Variants in FYTTD1 observed in about 807,000 individuals in gnomAD.
FYTTD1 encodes the protein forty-two-three domain containing 1.
FYTTD1 carries 22 observed loss-of-function variants against 40.9 expected under a neutral mutation model. The observed-to-expected ratio is 0.54, with a 90% CI of 0.38 to 0.77. The LOEUF (loss-of-function observed/expected upper bound fraction) is 0.77, where lower values mean the gene tolerates loss of function less well. Among genes scored for constraint, FYTTD1 ranks in the 30% least tolerant of loss-of-function variants. The pLI is 0.00. For synonymous variants in FYTTD1, 140 were observed against 137.9 expected, an observed-to-expected ratio of 1.01 and a Z score of -0.10; for missense variants, 351 against 392.2, an observed-to-expected ratio of 0.90 and a Z score of 0.89.
chr3:197,750,844 C>T (rs1729008042), intron 1 of FYTTD1: 1 of 985,350 alleles, frequency 1.0e-6, no homozygotes, highest in Non-Finnish European at 1.2e-6. Flanking sequence ...GGTTCTTGAG[C>T]GCATCTGAGA....
At chr3:197,778,045 T>C (rs9864813) in intron 7 of FYTTD1, among the ~76,000 whole-genome samples, 3,718 of 152,292 alleles carry the variant, frequency 0.024, 128 homozygotes, top group African/African-American at 0.077. Flanking sequence ...ATGAAAAGCA[T>C]GTAGGATGGG....
intron 1 of FYTTD1, chr3:197,750,680 C>T (rs1330309672): frequency 9.1e-6 from 9 of 985,350 alleles, no homozygotes; most frequent in Non-Finnish European, 8.4e-6. Context: ...AAGCAGCGCT[C>T]GGCCGCCTGT....
intron 2 of FYTTD1, 70 bp downstream of exon 2, chr3:197,756,627 A>G: frequency 7.4e-7 from 1 of 1,355,894 alleles, no homozygotes; most frequent in East Asian, 2.3e-5. Flanking sequence ...TCTTTAGCAT[A>G]TGCTTAACGT....
intron 8 of FYTTD1, among the ~76,000 whole-genome samples, chr3:197,779,175 G>T (rs1729955818): frequency 1.3e-5 from 2 of 152,184 alleles, no homozygotes; most frequent in Non-Finnish European, 2.9e-5. Flanking sequence ...AGCACTTTGG[G>T]AGGCCGAGGT....
chr3:197,760,043 C>CGTGGTAGAACGTATAGAGTTGTTCTTCA (rs1729331674), intron 2 of FYTTD1, among the ~76,000 whole-genome samples: 1 of 139,032 alleles, frequency 7.2e-6, no homozygotes, highest in African/African-American at 2.7e-5. Flanking sequence ...GTTGTTCTTC[C>CGTGGTAGAACGTATAGAGTTGTTCTTCA]GTGGTAGAAC....
At chr3:197,763,722 G>A (rs1192638528) in intron 2 of FYTTD1, 1 of 210,064 alleles carries the variant, frequency 4.8e-6, no homozygotes, top group Non-Finnish European at 9.9e-6. Context: ...TTGGAAAGGA[G>A]CCAATAATAT....
chr3:197,752,689 A>G (rs2109034378), intron 1 of FYTTD1, among the ~76,000 whole-genome samples: 1 of 152,182 alleles, frequency 6.6e-6, no homozygotes, highest in Non-Finnish European at 1.5e-5. Context: ...ATTTTTATAC[A>G]TACACTACAT....
Position 197,784,571 on chromosome 3 carries a change from G to A in FYTTD1, c.*2662G>A, listed in dbSNP as rs548546959. 12 of 152,282 alleles carry A rather than the reference G, an allele frequency of 7.9e-5. No individual in the cohort carries two copies. Among genetic ancestry groups the A allele is most frequent in the African/African-American group, 2.9e-4 (12 of 41,560 alleles). 9.4% of individuals were successfully genotyped at this position (152,282 alleles called of 1,614,324 possible). Reference sequence around the variant, plus strand: ...AGAACTTGGGGAGGCCAAGGCGGGCGGATCATGAGGCCAGGAGCAAGACCA... The same window carrying A: ...AGAACTTGGGGAGGCCAAGGCGGGCAGATCATGAGGCCAGGAGCAAGACCA... On this transcript the variant is annotated 3_prime_UTR_variant, in exon 9 of 9. Coordinates refer to ENST00000241502, the MANE Select transcript of FYTTD1 (RefSeq NM_032288.7).
chr3:197,779,529 C>CT (rs57263354), intron 8 of FYTTD1, among the ~76,000 whole-genome samples: 11,975 of 118,038 alleles, frequency 0.1, 2,245 homozygotes, highest in African/African-American at 0.34. Context: ...TTCCTTAGGA[C>CT]TTTTTTTTTT....
rs1482451530 is a variant in FYTTD1 at position 197,782,653 on chromosome 3, A to ATG, written c.*745_*746dup. On this transcript the variant is annotated 3_prime_UTR_variant, in exon 9 of 9. Coordinates refer to ENST00000241502, the MANE Select transcript of FYTTD1 (RefSeq NM_032288.7). ...CAGTTTGTGTTTAATAAATGAAGGC[A>ATG]TGAGAGGAAGTAAGTAGCAAGTTGA... is the stretch of plus-strand genomic sequence containing the variant. The ATG allele has an allele frequency of 2.6e-5, 4 of 152,226 alleles. No individual in the cohort carries two copies. Among genetic ancestry groups the ATG allele is most frequent in the African/African-American group, 9.6e-5 (4 of 41,460 alleles). 9.4% of individuals were successfully genotyped at this position (152,226 alleles called of 1,614,324 possible). A position where few individuals can be genotyped will look rare whatever the true frequency, so the allele number is the denominator to read the frequency against.
chr3:197,760,862 A>G (rs188271541), intron 2 of FYTTD1, among the ~76,000 whole-genome samples: 55 of 151,456 alleles, frequency 3.6e-4, no homozygotes, highest in African/African-American at 1.3e-3. Flanking sequence ...GGTAGAATGT[A>G]TAGAATTGTT....
At chr3:197,755,926 G>A in intron 1 of FYTTD1, 4 of 735,108 alleles carry the variant, frequency 5.4e-6, no homozygotes, top group Non-Finnish European at 9.4e-6. Context: ...GGAAAATGGA[G>A]GCTTCTGTGA....
At chr3:197,751,687 C>G (rs4857519) in intron 1 of FYTTD1, among the ~76,000 whole-genome samples, 128,559 of 150,116 alleles carry the variant, frequency 0.86, 55,179 homozygotes, top group East Asian at 1. Context: ...GTAAGGCCAA[C>G]AAATAATGTA....
intron 8 of FYTTD1, among the ~76,000 whole-genome samples, chr3:197,779,939 C>T (rs941979707): frequency 3.0e-4 from 44 of 147,342 alleles, no homozygotes; most frequent in African/African-American, 1.1e-3. Flanking sequence ...ACACACACCA[C>T]ACCTGGGGAT....
intron 1 of FYTTD1, 146 bp from the exon 2 acceptor site, chr3:197,756,280 T>G: frequency 1.5e-6 from 1 of 652,520 alleles, no homozygotes; most frequent in Middle Eastern, 3.4e-4. Context: ...TATTGTAAAA[T>G]GGCTGATTCT....
chr3:197,765,260 G>A (rs570755422), intron 2 of FYTTD1, among the ~76,000 whole-genome samples: 8 of 152,060 alleles, frequency 5.3e-5, no homozygotes, highest in South Asian at 2.1e-4. Flanking sequence ...TAATGGGTTC[G>A]TCCTCCTTTT....
chr3:197,756,562 G>A lies in FYTTD1; in HGVS notation c.235+5G>A. 6.2e-7 allele frequency: 1 copy of A among 1,612,974 alleles called. No individual in the cohort carries two copies. The highest frequency in any genetic ancestry group is 8.5e-7 in the Non-Finnish European group (1 of 1,178,932). On this transcript the variant is annotated splice_donor_5th_base_variant and intron_variant, in intron 2 of 8. Coordinates refer to ENST00000241502, the MANE Select transcript of FYTTD1 (RefSeq NM_032288.7). Reference sequence around the variant, plus strand: ...GGGGAATCCAACAGAATTCTGGTAAGTTTTGAAAGTAAGCTTTAATGGAAA... The same window carrying A: ...GGGGAATCCAACAGAATTCTGGTAAATTTTGAAAGTAAGCTTTAATGGAAA...
rs1730156460 is a variant in FYTTD1, at chr3:197,786,354, A to T, written c.*4445A>T. ...GGTCTCAAACTCCTGACTTCAGGTG[A>T]TCTGCCTGCCTCGGCCTCCCAAAGT... is the stretch of plus-strand genomic sequence containing the variant. On this transcript the variant is annotated 3_prime_UTR_variant, in exon 9 of 9. Transcript: ENST00000241502. The T allele has an allele frequency of 1.3e-5, 2 of 152,144 alleles. No individual in the cohort carries two copies. The highest frequency in any genetic ancestry group is 4.8e-5 in the African/African-American group (2 of 41,390). 9.4% of individuals were successfully genotyped at this position (152,144 alleles called of 1,614,324 possible).
chr3:197,761,686 A>T (rs1444567641), intron 2 of FYTTD1, among the ~76,000 whole-genome samples: 1 of 152,244 alleles, frequency 6.6e-6, no homozygotes, highest in Non-Finnish European at 1.5e-5. Flanking sequence ...TCCCTAAGAC[A>T]TGGGGGATCC....
Sources: gnomAD v4.1 joint callset for allele counts (sites outside exome capture counted in the v4.1 genomes callset) on GRCh38, gnomAD v4.1.1 for gene constraint, MANE v1.5 for transcripts, NCBI Gene and HGNC (gene_info 2026-07-23, HGNC 2026-07-21) for gene names.